Variants in RHBDL3 observed in about 807,000 individuals in gnomAD.
RHBDL3 encodes rhomboid-related protein 3.
Under a neutral mutation model 48.2 loss-of-function variants are expected in RHBDL3, and 28 were observed. The ratio of observed to expected loss-of-function variants is 0.58; its 90% CI spans 0.43 to 0.80. The LOEUF is 0.80. Among genes scored for constraint, RHBDL3 ranks in the 30% least tolerant of loss-of-function variants. The pLI, the probability that RHBDL3 is intolerant of heterozygous loss-of-function variation, is 0.00. For missense variants in RHBDL3, 464 were observed against 542.7 expected (o/e 0.85, Z 1.44); for synonymous variants, 208 against 232.3 (o/e 0.90, Z 0.95).
chr17:32,287,315 A>G (rs1182410095), intron 3 of RHBDL3, among the ~76,000 whole-genome samples: 2 of 152,148 alleles, frequency 1.3e-5, no homozygotes, highest in Non-Finnish European at 2.9e-5. Flanking sequence ...GAGTGGCCAC[A>G]AAATAATCTG....
chr17:32,319,026 G>C (rs1210791624), intron 8 of RHBDL3, among the ~76,000 whole-genome samples: 2 of 152,022 alleles, frequency 1.3e-5, no homozygotes, highest in Non-Finnish European at 2.9e-5. Flanking sequence ...TTAGGGTGCA[G>C]TGGGGTGGCA....
chr17:32,291,509 C>T (rs1308088059), intron 4 of RHBDL3, among the ~76,000 whole-genome samples: 3 of 149,814 alleles, frequency 2.0e-5, no homozygotes, highest in East Asian at 4.1e-4. Flanking sequence ...GGTAAAACCC[C>T]GTCTCTACTA....
intron 3 of RHBDL3, among the ~76,000 whole-genome samples, chr17:32,285,495 A>T (rs984003583): frequency 3.3e-5 from 5 of 152,086 alleles, no homozygotes; most frequent in Admixed American, 6.5e-5. Context: ...TGGAGAAGAT[A>T]GGCCCATGGA....
chr17:32,285,287 T>G (rs957459954), intron 3 of RHBDL3, among the ~76,000 whole-genome samples: 2 of 152,140 alleles, frequency 1.3e-5, no homozygotes. Context: ...ATGGGTAGAT[T>G]GCGTTAAATC....
chr17:32,309,649 G>A (rs1455675331), intron 7 of RHBDL3, among the ~76,000 whole-genome samples: 1 of 152,084 alleles, frequency 6.6e-6, no homozygotes, highest in Non-Finnish European at 1.5e-5. Context: ...TCAACTTCTT[G>A]GAGCCCCAGT....
intron 7 of RHBDL3, among the ~76,000 whole-genome samples, chr17:32,310,466 G>T (rs2040817286): frequency 6.6e-6 from 1 of 152,114 alleles, no homozygotes; most frequent in Non-Finnish European, 1.5e-5. Context: ...TGTAATCTCA[G>T]CACTTTGGGA....
intron 8 of RHBDL3, among the ~76,000 whole-genome samples, chr17:32,318,764 G>A (rs1450517745): frequency 6.6e-6 from 1 of 152,148 alleles, no homozygotes; most frequent in East Asian, 1.9e-4. Flanking sequence ...GACTGAGTCT[G>A]AACAAACCTG....
intron 8 of RHBDL3, among the ~76,000 whole-genome samples, chr17:32,318,096 G>A (rs535891651): frequency 6.9e-4 from 104 of 150,408 alleles, no homozygotes; most frequent in African/African-American, 2.4e-3. Context: ...GCTTGCGCCT[G>A]TAGTCCTAGC....
intron 6 of RHBDL3, among the ~76,000 whole-genome samples, chr17:32,299,046 G>GTTT (rs71362825): frequency 0.034 from 4,834 of 141,218 alleles, 118 homozygotes; most frequent in Non-Finnish European, 0.047. Flanking sequence ...ATTGCCGGCT[G>GTTT]TTTTTTTTTT....
At position 32,284,770 on chromosome 17, in the gene RHBDL3, G is replaced by A. The variant is rs573502332; in HGVS notation, c.247G>A (p.Asp83Asn). 11 of 1,613,922 alleles carry A rather than the reference G, an allele frequency of 6.8e-6. No individual in the cohort carries two copies. Among genetic ancestry groups the A allele is most frequent in the South Asian group, 4.4e-5 (4 of 91,088 alleles). ...HKREVLLALA[D>N]SHADGQIGYQ... Reference sequence around the variant, plus strand: ...AAGGGAGGTCCTCCTGGCTCTTGCCGACAGCCACGCGGATGGGCAGATCGG... The same window carrying A: ...AAGGGAGGTCCTCCTGGCTCTTGCCAACAGCCACGCGGATGGGCAGATCGG... The change falls in exon 3 of 9, where the codon GAC (aspartate) becomes AAC (asparagine). Residue 83 changes from aspartate (D) to asparagine (N), a missense_variant. Asp to Asn is a conservative substitution (Grantham distance 23). Transcript: ENST00000269051.
chr17:32,323,178 C>A lies in RHBDL3; in HGVS notation c.*1949C>A, dbSNP rs2041180065. The A allele has an allele frequency of 1.3e-5, 2 of 152,428 alleles. No homozygotes were observed. Among genetic ancestry groups the A allele is most frequent in the South Asian group, 2.1e-4 (1 of 4,840 alleles). The allele number at this position is 152,428 out of a possible 1,614,324, so 9.4% of individuals were successfully genotyped here. A position where few individuals can be genotyped will look rare whatever the true frequency, so the allele number is the denominator to read the frequency against. On this transcript the variant is annotated 3_prime_UTR_variant, in exon 9 of 9. Transcript: ENST00000269051. ...CATATGTAGTTCCCTAGGTCCTGCT[C>A]CCCTGCACCAGTGCCATGCTGAGGG... is the stretch of plus-strand genomic sequence containing the variant.
chr17:32,267,720 G>T, intron 1 of RHBDL3, 182 bp from the exon 2 acceptor site: 3 of 1,292,066 alleles, frequency 2.3e-6, no homozygotes, highest in Non-Finnish European at 3.0e-6. Flanking sequence ...TGGACTCATT[G>T]GGGAGCTCCT....
At chr17:32,302,274 A>G (rs547699136) in intron 6 of RHBDL3, among the ~76,000 whole-genome samples, 19 of 152,214 alleles carry the variant, frequency 1.2e-4, no homozygotes, top group Non-Finnish European at 2.6e-4. Flanking sequence ...ATGTGTACAC[A>G]GCCCCATGTT....
chr17:32,302,642 A>G (rs910195236), intron 6 of RHBDL3, among the ~76,000 whole-genome samples: 1 of 151,780 alleles, frequency 6.6e-6, no homozygotes, highest in African/African-American at 2.4e-5. Context: ...CAGCCTCCCA[A>G]AGTGCTGGGA....
chr17:32,276,083 G>T (rs897506758), intron 2 of RHBDL3, among the ~76,000 whole-genome samples: 2 of 152,138 alleles, frequency 1.3e-5, no homozygotes, highest in Non-Finnish European at 2.9e-5. Flanking sequence ...TATCTGTTAA[G>T]TGGGACGAAC....
At chr17:32,316,817 CTTTTA>C (rs1032998011) in intron 8 of RHBDL3, among the ~76,000 whole-genome samples, 6 of 150,676 alleles carry the variant, frequency 4.0e-5, no homozygotes, top group Admixed American at 6.6e-5. Context: ...CACGCCTGGC[CTTTTA>C]TTTTATTTTA....
At chr17:32,305,310 C>A (rs113792841) in intron 6 of RHBDL3, 31 bp from the exon 7 acceptor site, 2 of 1,519,722 alleles carry the variant, frequency 1.3e-6, no homozygotes, top group South Asian at 1.1e-5. Context: ...GTCCCGCACT[C>A]CTGAGAATTC....
chr17:32,284,715 G>T lies in RHBDL3; in HGVS notation c.192G>T (p.Glu64Asp). Reference sequence around the variant, plus strand: ...CAGGCAAGTTCCGGAGTCTTCTGGAGAGCCACAGCTCCAAGCTGGACCCGC... The same window carrying T: ...CAGGCAAGTTCCGGAGTCTTCTGGATAGCCACAGCTCCAAGCTGGACCCGC... ...ISTGKFRSLL[E>D]SHSSKLDPHK... Residue 64 changes from glutamate to aspartate, a missense_variant, in exon 3 of 9, where the codon GAG becomes GAT. By Grantham distance (45) the Glu-to-Asp change is conservative. Transcript: ENST00000269051. 2 of 1,614,142 alleles carry T rather than the reference G, an allele frequency of 1.2e-6. No homozygotes were observed. Among genetic ancestry groups the T allele is most frequent in the Non-Finnish European group, 1.7e-6 (2 of 1,179,986 alleles).
chr17:32,289,013 G>A lies in RHBDL3; in HGVS notation c.516G>A (p.Leu172=). Residue 172 remains leucine, a synonymous_variant, in exon 4 of 9, where the codon CTG becomes CTA. Coordinates refer to ENST00000269051, the MANE Select transcript of RHBDL3 (RefSeq NM_138328.3). ...PPWFMITVTL[L]EVAFFLYNGV... ...GGTTCATGATCACAGTCACGCTGCT[G>A]GAGGCAAGGACAAGGGTGGGGAGGG... 6.2e-7 allele frequency: 1 copy of A among 1,613,978 alleles called. No homozygotes were observed. The highest frequency in any genetic ancestry group is 2.2e-5 in the East Asian group (1 of 44,872).
Sources: gnomAD v4.1 joint callset for allele counts (sites outside exome capture counted in the v4.1 genomes callset) on GRCh38, gnomAD v4.1.1 for gene constraint, MANE v1.5 for transcripts, NCBI Gene and HGNC (gene_info 2026-07-23, HGNC 2026-07-21) for gene names.